The following EML1 variants were observed in gnomAD, a reference collection of about 807,000 sequenced individuals.
EML1 encodes the protein EMAP like 1.
A neutral mutation model predicts 110.4 loss-of-function variants in EML1; 27 were observed. That is an observed-to-expected ratio of 0.24 (90% CI 0.18 to 0.34). The LOEUF is 0.34. Among genes scored for constraint, EML1 ranks in the 10% least tolerant of loss-of-function variants. The pLI is 1.00. For missense variants in EML1, 741 were observed against 1,030.9 expected, an observed-to-expected ratio of 0.72 and a Z score of 3.85; for synonymous variants, 344 against 385.8, an observed-to-expected ratio of 0.89 and a Z score of 1.27.
At chr14:99,899,098 C>A (rs1000894477) in intron 8 of EML1, among the ~76,000 whole-genome samples, 1 of 152,104 alleles carries the variant, frequency 6.6e-6, no homozygotes, top group Non-Finnish European at 1.5e-5. Flanking sequence ...TTCAGCAAGA[C>A]TTTAATTTGC....
chr14:99,871,588 G>C (rs924138209), intron 3 of EML1, among the ~76,000 whole-genome samples: 1 of 152,072 alleles, frequency 6.6e-6, no homozygotes, highest in Admixed American at 6.5e-5. Context: ...GGGAAGTTTG[G>C]AAGAAGATGA....
chr14:99,901,409 C>T (rs2059761474), intron 9 of EML1, among the ~76,000 whole-genome samples: 1 of 152,118 alleles, frequency 6.6e-6, no homozygotes, highest in Non-Finnish European at 1.5e-5. Context: ...AAAGGGGTCC[C>T]GATCCAGACC....
At chr14:99,751,058 GA>G (rs962150720) in intron 1 of EML1, among the ~76,000 whole-genome samples, 2 of 152,038 alleles carry the variant, frequency 1.3e-5, no homozygotes, top group Non-Finnish European at 2.9e-5. Context: ...TCTTAAAAAA[GA>G]AAATTAAAAG....
At chr14:99,777,387 T>C (rs559295527) in intron 1 of EML1, among the ~76,000 whole-genome samples, 179 of 152,304 alleles carry the variant, frequency 1.2e-3, no homozygotes, top group African/African-American at 4.2e-3. Flanking sequence ...CCTTGCCTTT[T>C]GGTATGTCTT....
chr14:99,843,869 C>A (rs1434736227), intron 1 of EML1, among the ~76,000 whole-genome samples: 1 of 152,226 alleles, frequency 6.6e-6, no homozygotes, highest in Non-Finnish European at 1.5e-5. Flanking sequence ...CTTTTATTCA[C>A]ACATTAGAAG....
intron 1 of EML1, among the ~76,000 whole-genome samples, chr14:99,750,909 A>G (rs2057167827): frequency 6.6e-6 from 1 of 152,144 alleles, no homozygotes; most frequent in Non-Finnish European, 1.5e-5. Flanking sequence ...CTCAGAAGCC[A>G]GAGCCTGGCT....
In EML1 at chr14:99,831,975, C is replaced by T. The variant is rs557074971; in HGVS notation, c.68-18878C>T. Among the ~76,000 whole-genome samples the T allele has an allele frequency of 5.3e-4, 80 of 151,938 alleles. 1 individual carries two copies. In the South Asian group the frequency reaches 0.012, roughly 24 times the overall value. ...TTGACATCTGTATATGTTCATGAGA[C>T]CATAACCACAATCAAGATAATGAAG... On this transcript the variant is annotated intron_variant, in intron 1 of 21. Coordinates refer to ENST00000262233, the MANE Select transcript of EML1 (RefSeq NM_004434.3).
intron 1 of EML1, among the ~76,000 whole-genome samples, chr14:99,755,151 T>A (rs1395943857): frequency 6.6e-6 from 1 of 152,204 alleles, no homozygotes; most frequent in Admixed American, 6.5e-5. Flanking sequence ...CTGGGCCCAA[T>A]CCCTGCTGGC....
intron 13 of EML1, 28 bp downstream of exon 13, chr14:99,911,604 T>G (rs2059947967): frequency 6.2e-7 from 1 of 1,602,804 alleles, no homozygotes; most frequent in African/African-American, 1.3e-5. Flanking sequence ...CTGCTAAAAT[T>G]TGTTTTTAAC....
chr14:99,831,237 AG>A (rs2058445437), intron 1 of EML1, among the ~76,000 whole-genome samples: 1 of 152,192 alleles, frequency 6.6e-6, no homozygotes, highest in Admixed American at 6.5e-5. Flanking sequence ...AGGGCTTTGA[AG>A]TGGAAAGGCA....
intron 1 of EML1, among the ~76,000 whole-genome samples, chr14:99,752,584 G>T (rs2057189433): frequency 6.6e-6 from 1 of 152,184 alleles, no homozygotes; most frequent in Non-Finnish European, 1.5e-5. Flanking sequence ...TGCCTGCTGA[G>T]GTGCCCCCTG....
At chr14:99,929,171 C>T (rs549657960) in intron 17 of EML1, among the ~76,000 whole-genome samples, 1 of 152,334 alleles carries the variant, frequency 6.6e-6, no homozygotes, top group Admixed American at 6.5e-5. Flanking sequence ...TGCCTCTCAG[C>T]TTCAGAGTCA....
intron 1 of EML1, among the ~76,000 whole-genome samples, chr14:99,804,046 A>T (rs1397891165): frequency 6.6e-6 from 1 of 152,244 alleles, no homozygotes; most frequent in Admixed American, 6.5e-5. Flanking sequence ...GCTCGGCTTC[A>T]CCGAATTAGT....
intron 1 of EML1, among the ~76,000 whole-genome samples, chr14:99,786,086 A>T (rs1425694407): frequency 4.0e-5 from 6 of 150,096 alleles, no homozygotes; most frequent in Non-Finnish European, 7.4e-5. Flanking sequence ...AAAAAAAATC[A>T]ACACACGCTT....
intron 1 of EML1, 99 bp from the exon 2 acceptor site, chr14:99,850,754 T>C: frequency 7.4e-7 from 1 of 1,344,320 alleles, no homozygotes; most frequent in South Asian, 1.4e-5. Flanking sequence ...GTTACTATGT[T>C]AAAACAATGG....
At chr14:99,805,859 C>A (rs2057963189) in intron 1 of EML1, among the ~76,000 whole-genome samples, 2 of 151,960 alleles carry the variant, frequency 1.3e-5, no homozygotes, top group South Asian at 4.1e-4. Context: ...TTTAAGTGTA[C>A]AGTTCATGGC....
chr14:99,810,522 A>G (rs1409881252), intron 1 of EML1, among the ~76,000 whole-genome samples: 2 of 152,188 alleles, frequency 1.3e-5, no homozygotes, highest in Non-Finnish European at 2.9e-5. Context: ...ACATCTGCAG[A>G]TTCCAATCCT....
At chr14:99,779,776 C>A (rs1196149951) in intron 1 of EML1, among the ~76,000 whole-genome samples, 8 of 152,234 alleles carry the variant, frequency 5.3e-5, no homozygotes, top group Admixed American at 2.6e-4. Context: ...CATTTATTTG[C>A]CATCTTCAGG....
Position 99,776,009 on chromosome 14 carries a change from A to C in EML1, c.-27+1996A>C, listed in dbSNP as rs145486544. Among the ~76,000 whole-genome samples the C allele has an allele frequency of 1.4e-3, 208 of 152,338 alleles. 1 individual carries two copies. Among genetic ancestry groups the C allele is most frequent in the Non-Finnish European group, 6.5e-4 (44 of 68,040 alleles). On this transcript the variant is annotated intron_variant, in intron 1 of 22. Coordinates refer to the EML1 transcript ENST00000327921. ...TTCCAGCTAAAACATGATTTTTCAA[A>C]ACTATGGCTGTCTTTTAAGAATATT...
Sources: gnomAD v4.1 joint callset for allele counts (sites outside exome capture counted in the v4.1 genomes callset) on GRCh38, gnomAD v4.1.1 for gene constraint, MANE v1.5 for transcripts, NCBI Gene and HGNC (gene_info 2026-07-23, HGNC 2026-07-21) for gene names.